The following SLC44A5 variants were observed in gnomAD, a reference collection of about 807,000 sequenced individuals.
The protein encoded by SLC44A5 is choline transporter-like protein 5.
SLC44A5 carries 57 observed loss-of-function variants against 101.8 expected under a neutral mutation model. The observed-to-expected ratio is 0.56, with a 90% CI of 0.45 to 0.70. The LOEUF (loss-of-function observed/expected upper bound fraction) is 0.70, where lower values mean the gene tolerates loss of function less well. SLC44A5 is among the 30% of genes least tolerant of loss of function. SLC44A5 has a pLI of 0.00. For missense variants in SLC44A5, 737 were observed against 853.1 expected (o/e 0.86, Z 1.70); for synonymous variants, 281 against 290.9 (o/e 0.97, Z 0.35).
the SLC44A5 span, among the ~76,000 whole-genome samples, chr1:75,716,555 T>C: frequency 6.6e-6 from 1 of 152,188 alleles, no homozygotes; most frequent in Non-Finnish European, 1.5e-5. Flanking sequence ...TGGAAAGCAA[T>C]GTGGCGATTT....
In SLC44A5 at chr1:75,238,385, C is replaced by CATATATATATATATATAT. The variant is rs71081318; in HGVS notation, c.656+110_656+127dup. ...TCAATTCACAGTAACACGTATATTT[C>CATATATATATATATATAT]ATATATATATATATATATATATATA... On this transcript the variant is annotated intron_variant, in intron 10 of 23. Transcript: ENST00000370859. 1,011 of 215,196 alleles carry CATATATATATATATATAT rather than the reference C, an allele frequency of 4.7e-3. 9 individuals are homozygous for CATATATATATATATATAT. Among genetic ancestry groups the CATATATATATATATATAT allele is most frequent in the Non-Finnish European group, 5.1e-3 (619 of 121,956 alleles). 13.3% of individuals were successfully genotyped at this position (215,196 alleles called of 1,614,324 possible). A position where few individuals can be genotyped will look rare whatever the true frequency, so the allele number is the denominator to read the frequency against.
At chr1:75,603,715 C>T (rs1434871776) in intron 1 of SLC44A5, among the ~76,000 whole-genome samples, 2 of 114,820 alleles carry the variant, frequency 1.7e-5, no homozygotes, top group Admixed American at 8.8e-5. Context: ...TTTGATTTGC[C>T]TTTCTCTGGT....
intron 2 of SLC44A5, among the ~76,000 whole-genome samples, chr1:75,457,801 G>A (rs1666270916): frequency 6.6e-6 from 1 of 151,602 alleles, no homozygotes; most frequent in Admixed American, 6.6e-5. Flanking sequence ...AGGTTGCAGT[G>A]AACTGAGATT....
chr1:75,647,633 G>C, the SLC44A5 span, among the ~76,000 whole-genome samples: 1 of 152,204 alleles, frequency 6.6e-6, no homozygotes, highest in East Asian at 1.9e-4. Context: ...CAAGGCCATG[G>C]GAGCCCACCT....
At chr1:75,678,400 C>T in the SLC44A5 span, among the ~76,000 whole-genome samples, 2,396 of 152,234 alleles carry the variant, frequency 0.016, 72 homozygotes, top group African/African-American at 0.053. Context: ...TCTCCCAGTA[C>T]GCAGCTGGAG....
intron 7 of SLC44A5, among the ~76,000 whole-genome samples, chr1:75,244,002 T>C (rs1648890091): frequency 6.6e-6 from 1 of 152,124 alleles, no homozygotes. Context: ...ATGTAATTTC[T>C]GCACATGCCA....
chr1:75,275,932 C>T (rs1417122009), intron 5 of SLC44A5, among the ~76,000 whole-genome samples: 1 of 152,054 alleles, frequency 6.6e-6, no homozygotes, highest in Non-Finnish European at 1.5e-5. Context: ...TTAACATTTG[C>T]CCAGCTATCT....
At position 75,204,188 on chromosome 1, in the gene SLC44A5, AT is replaced by A. The variant is rs1168480621; in HGVS notation, c.2048-356del. ...TGCTTAAAATTGATTCTGTTTTGCC[AT>A]CAATAATTTAAATAGTATAGCCTTG... On this transcript the variant is annotated intron_variant, in intron 23 of 23. Coordinates refer to ENST00000370859, the MANE Select transcript of SLC44A5 (RefSeq NM_001130058.2). Among the ~76,000 whole-genome samples the A allele has an allele frequency of 7.9e-4, 120 of 152,274 alleles. 1 individual carries two copies. The highest frequency in any genetic ancestry group is 2.9e-3 in the African/African-American group (119 of 41,576).
intron 6 of SLC44A5, among the ~76,000 whole-genome samples, chr1:75,253,926 A>G (rs2100657713): frequency 6.6e-6 from 1 of 152,254 alleles, no homozygotes; most frequent in East Asian, 1.9e-4. Context: ...ATGTTTTTGA[A>G]AATATTTATC....
At chr1:75,221,191 A>G (rs1353789660) in intron 14 of SLC44A5, among the ~76,000 whole-genome samples, 1 of 152,190 alleles carries the variant, frequency 6.6e-6, no homozygotes, top group Non-Finnish European at 1.5e-5. Flanking sequence ...AGGTGGCACT[A>G]TTATAATAAA....
chr1:75,475,641 C>G (rs1667343334), intron 2 of SLC44A5, among the ~76,000 whole-genome samples: 1 of 152,168 alleles, frequency 6.6e-6, no homozygotes, highest in African/African-American at 2.4e-5. Flanking sequence ...ACTTATAACC[C>G]TCAGCCATCT....
chr1:75,712,444 G>A, the SLC44A5 span, among the ~76,000 whole-genome samples: 1 of 152,112 alleles, frequency 6.6e-6, no homozygotes, highest in Non-Finnish European at 1.5e-5. Context: ...TGGGATCTAA[G>A]CCAAGTAGCT....
At chr1:75,548,613 A>G (rs758388871) in intron 1 of SLC44A5, among the ~76,000 whole-genome samples, 2 of 152,276 alleles carry the variant, frequency 1.3e-5, no homozygotes, top group Admixed American at 6.5e-5. Context: ...CTCAAAGAAT[A>G]CACATAACAC....
At chr1:75,678,911 G>A in the SLC44A5 span, among the ~76,000 whole-genome samples, 3 of 152,152 alleles carry the variant, frequency 2.0e-5, no homozygotes, top group African/African-American at 7.2e-5. Flanking sequence ...ACAGAGAAGT[G>A]CGTAAAGGAG....
chr1:75,213,848 T>C, intron 21 of SLC44A5, 55 bp from the exon 22 acceptor site: 1 of 1,545,926 alleles, frequency 6.5e-7, no homozygotes, highest in Admixed American at 1.8e-5. Flanking sequence ...AATATAGTTT[T>C]TTGTAGTAAA....
chr1:75,589,707 A>C (rs954925568), intron 1 of SLC44A5, among the ~76,000 whole-genome samples: 7 of 151,942 alleles, frequency 4.6e-5, no homozygotes, highest in African/African-American at 1.7e-4. Flanking sequence ...CCCTGCCCCC[A>C]CCTCTGGCAG....
intron 2 of SLC44A5, among the ~76,000 whole-genome samples, chr1:75,451,818 T>A (rs1434946043): frequency 6.6e-6 from 1 of 152,064 alleles, no homozygotes; most frequent in Admixed American, 6.6e-5. Flanking sequence ...AAAAAAATTT[T>A]AAAAAGTAAA....
At chr1:75,319,243 C>G (rs1184685934) in intron 4 of SLC44A5, among the ~76,000 whole-genome samples, 1 of 152,110 alleles carries the variant, frequency 6.6e-6, no homozygotes. Flanking sequence ...CCCCCAATCC[C>G]TGGGCAAAAA....
the SLC44A5 span, among the ~76,000 whole-genome samples, chr1:75,682,504 A>G: frequency 9.3e-4 from 142 of 152,104 alleles, 3 homozygotes; most frequent in South Asian, 0.028. Flanking sequence ...AGCAATGGGG[A>G]AAGGATTCCC....
Sources: gnomAD v4.1 joint callset for allele counts (sites outside exome capture counted in the v4.1 genomes callset) on GRCh38, gnomAD v4.1.1 for gene constraint, MANE v1.5 for transcripts, NCBI Gene and HGNC (gene_info 2026-07-23, HGNC 2026-07-21) for gene names.